Variants in PVT1 observed in about 807,000 individuals in gnomAD.
PVT1 encodes CXCR4/PVT1 fusion.
chr8:128,049,349 G>A (rs968310379), intron 4 of PVT1: 4 of 349,870 alleles, frequency 1.1e-5, no homozygotes, highest in Non-Finnish European at 1.7e-5. Context: ...GTGTGATGAC[G>A]CATGCCCAGC....
intron 4 of PVT1, among the ~76,000 whole-genome samples, chr8:128,035,437 TG>T (rs1057201548): frequency 1.3e-5 from 2 of 152,172 alleles, no homozygotes; most frequent in Non-Finnish European, 2.9e-5. Flanking sequence ...TCACACTTTG[TG>T]GGGGGCCAAG....
At chr8:127,840,493 C>T (rs1586401851) in intron 2 of PVT1, among the ~76,000 whole-genome samples, 1 of 152,322 alleles carries the variant, frequency 6.6e-6, no homozygotes, top group East Asian at 1.9e-4. Flanking sequence ...AATCTTTGTT[C>T]CAGTGGAAAA....
intron 4 of PVT1, among the ~76,000 whole-genome samples, chr8:127,992,269 C>T (rs1311141675): frequency 5.9e-5 from 9 of 152,126 alleles, no homozygotes; most frequent in Admixed American, 5.9e-4. Context: ...GCCTGTAATC[C>T]TAGCTACTTG....
intron 3 of PVT1, among the ~76,000 whole-genome samples, chr8:127,915,691 G>A (rs1444526353): frequency 6.6e-6 from 1 of 152,054 alleles, no homozygotes; most frequent in African/African-American, 2.4e-5. Flanking sequence ...ATAGAGATGG[G>A]ATGGGTTCAT....
chr8:127,952,225 C>T (rs2129928680), intron 3 of PVT1, among the ~76,000 whole-genome samples: 1 of 152,348 alleles, frequency 6.6e-6, no homozygotes, highest in South Asian at 2.1e-4. Flanking sequence ...AGATCTTGGG[C>T]CTTTGCCACC....
chr8:128,083,980 C>T (rs1005488052), intron 5 of PVT1, among the ~76,000 whole-genome samples: 1 of 152,182 alleles, frequency 6.6e-6, no homozygotes, highest in Admixed American at 6.5e-5. Flanking sequence ...AATATCTGCT[C>T]TTTTTACCCC....
At chr8:127,860,404 CGGAGCTCAG>C (rs990304530) in intron 2 of PVT1, among the ~76,000 whole-genome samples, 7 of 152,120 alleles carry the variant, frequency 4.6e-5, no homozygotes, top group Non-Finnish European at 4.4e-5. Flanking sequence ...CTCGGAGCTT[CGGAGCTCAG>C]GGAGTACTAT....
intron 3 of PVT1, among the ~76,000 whole-genome samples, chr8:127,930,713 A>G (rs184581516): frequency 6.6e-6 from 1 of 152,098 alleles, no homozygotes; most frequent in Admixed American, 6.5e-5. Context: ...GTACCCCCTC[A>G]CTGACATGCC....
chr8:127,812,518 C>G (rs1212500583), intron 2 of PVT1, among the ~76,000 whole-genome samples: 2 of 150,382 alleles, frequency 1.3e-5, no homozygotes, highest in Non-Finnish European at 2.9e-5. Flanking sequence ...TATGTTCCCA[C>G]CACTGTACTC....
At chr8:127,841,048 C>T (rs1586402078) in intron 2 of PVT1, among the ~76,000 whole-genome samples, 1 of 152,176 alleles carries the variant, frequency 6.6e-6, no homozygotes, top group African/African-American at 2.4e-5. Flanking sequence ...CTCCGGGAAT[C>T]GATGGTTTGG....
chr8:128,043,746 A>G (rs1199420558), intron 4 of PVT1, among the ~76,000 whole-genome samples: 1 of 149,436 alleles, frequency 6.7e-6, no homozygotes, highest in Non-Finnish European at 1.5e-5. Context: ...TAACTGCTAT[A>G]TAGTATTATT....
At chr8:128,059,977 C>T (rs572134597) in intron 4 of PVT1, among the ~76,000 whole-genome samples, 7 of 152,304 alleles carry the variant, frequency 4.6e-5, no homozygotes. Flanking sequence ...AATTTAGAGG[C>T]TGGGCGTGGT....
intron 3 of PVT1, among the ~76,000 whole-genome samples, chr8:127,909,997 G>A (rs756470255): frequency 4.6e-5 from 7 of 152,058 alleles, no homozygotes; most frequent in African/African-American, 7.2e-5. Flanking sequence ...CACCAGAGTG[G>A]GAGGCAATTT....
At chr8:127,853,515 T>C (rs947014616) in intron 2 of PVT1, among the ~76,000 whole-genome samples, 5 of 152,072 alleles carry the variant, frequency 3.3e-5, no homozygotes, top group Non-Finnish European at 5.9e-5. Flanking sequence ...GCGTGATGGC[T>C]CGAGCCTGTA....
At chr8:128,061,673 C>T (rs980071679) in intron 4 of PVT1, among the ~76,000 whole-genome samples, 2 of 152,176 alleles carry the variant, frequency 1.3e-5, no homozygotes, top group South Asian at 2.1e-4. Context: ...AAACACAGAA[C>T]GTGACTCCAT....
chr8:128,037,034 C>A (rs767997224), intron 4 of PVT1, among the ~76,000 whole-genome samples: 1 of 152,214 alleles, frequency 6.6e-6, no homozygotes, highest in East Asian at 1.9e-4. Context: ...CAAATAGCTG[C>A]CTGGGCCCCT....
chr8:127,894,972 A>G (rs966830832), intron 3 of PVT1, among the ~76,000 whole-genome samples: 25 of 152,220 alleles, frequency 1.6e-4, no homozygotes, highest in Non-Finnish European at 3.1e-4. Flanking sequence ...GAACGATAGC[A>G]CTTTACAATC....
intron 3 of PVT1, among the ~76,000 whole-genome samples, chr8:127,921,357 A>C (rs1258925029): frequency 6.6e-6 from 1 of 152,068 alleles, no homozygotes; most frequent in East Asian, 1.9e-4. Context: ...AAAAGTTAAG[A>C]GAGGTCTTCG....
chr8:128,081,415 A>T (rs1018786907), intron 5 of PVT1, among the ~76,000 whole-genome samples: 5 of 152,232 alleles, frequency 3.3e-5, no homozygotes, highest in African/African-American at 1.2e-4. Flanking sequence ...CAAGGAGCGC[A>T]ATTATTGGAT....
Sources: gnomAD v4.1 joint callset for allele counts (sites outside exome capture counted in the v4.1 genomes callset) on GRCh38, gnomAD v4.1.1 for gene constraint, MANE v1.5 for transcripts, NCBI Gene and HGNC (gene_info 2026-07-23, HGNC 2026-07-21) for gene names.